Variants in NPAS3 observed in about 807,000 individuals in gnomAD.
NPAS3 encodes neuronal PAS domain-containing protein 3.
NPAS3 carries 14 observed loss-of-function variants against 73.1 expected under a neutral mutation model. The ratio of observed to expected loss-of-function variants is 0.19; its 90% CI spans 0.13 to 0.30. NPAS3 has a LOEUF of 0.30. NPAS3 is among the 10% of genes least tolerant of loss of function. The pLI is 1.00. For missense variants in NPAS3, 1,096 were observed against 1,250.0 expected (o/e 0.88, Z 1.86); for synonymous variants, 620 against 541.5 (o/e 1.14, Z -2.01).
At chr14:33,802,376 T>TAAAAAAAAAAAAAAAAAAAAAAAAAAA (rs71293230), downstream of NPAS3, 6 of 95,712 alleles carry the variant, frequency 6.3e-5, no homozygotes, top group South Asian at 4.2e-4. Context: ...GCACATTAAG[T>TAAAAAAAAAAAAAAAAAAAAAAAAAAA]AAAAAAAAAA....
At chr14:32,953,083 C>G (rs1008038092) in intron 1 of NPAS3, among the ~76,000 whole-genome samples, 1 of 131,196 alleles carries the variant, frequency 7.6e-6, no homozygotes, top group Non-Finnish European at 1.6e-5. Flanking sequence ...AACAAATCAT[C>G]AAACAAAAAG....
chr14:33,788,171 AC>A lies in NPAS3; in HGVS notation c.1154-5720del, dbSNP rs528918800. On this transcript the variant is annotated intron_variant, in intron 9 of 11. Transcript: ENST00000356141. ...TAAGTAGAAAGTGTGATTCTAGCAC[AC>A]CCCCCTCACTTACACACACAGATAC... Among the ~76,000 whole-genome samples, 271 of 152,088 alleles carry A rather than the reference AC, an allele frequency of 1.8e-3. 1 individual carries two copies. Among genetic ancestry groups the A allele is most frequent in the Middle Eastern group, 6.8e-3 (2 of 294 alleles).
At chr14:33,476,957 A>G (rs1448540435) in intron 4 of NPAS3, among the ~76,000 whole-genome samples, 1 of 152,144 alleles carries the variant, frequency 6.6e-6, no homozygotes, top group Admixed American at 6.6e-5. Flanking sequence ...CTAAAATCTT[A>G]AGAGGCAGGG....
At chr14:33,483,826 C>T (rs1247240441) in intron 4 of NPAS3, among the ~76,000 whole-genome samples, 1 of 152,216 alleles carries the variant, frequency 6.6e-6, no homozygotes, top group Non-Finnish European at 1.5e-5. Flanking sequence ...CAGCCTACGG[C>T]TGACCTTTTT....
intron 4 of NPAS3, among the ~76,000 whole-genome samples, chr14:33,493,324 CT>C (rs202231064): frequency 0.018 from 2,530 of 141,414 alleles, 19 homozygotes; most frequent in African/African-American, 0.024. Flanking sequence ...CTCTCTTAGT[CT>C]TTTTTTTTTT....
At chr14:33,155,763 T>G (rs1376754707) in intron 2 of NPAS3, among the ~76,000 whole-genome samples, 1 of 152,176 alleles carries the variant, frequency 6.6e-6, no homozygotes, top group African/African-American at 2.4e-5. Context: ...GTATCTTCCC[T>G]CTGTCTTCAT....
intron 4 of NPAS3, among the ~76,000 whole-genome samples, chr14:33,539,091 G>C (rs144270709): frequency 6.6e-6 from 1 of 152,078 alleles, no homozygotes; most frequent in Non-Finnish European, 1.5e-5. Context: ...TGACTCTCAG[G>C]GGGAGAGGTG....
At chr14:33,425,434 C>A (rs754724520) in intron 4 of NPAS3, among the ~76,000 whole-genome samples, 1 of 151,832 alleles carries the variant, frequency 6.6e-6, no homozygotes, top group Non-Finnish European at 1.5e-5. Context: ...TTATTAAATA[C>A]CTTTATTATT....
At chr14:33,588,398 A>G (rs566650366) in intron 5 of NPAS3, among the ~76,000 whole-genome samples, 2 of 152,286 alleles carry the variant, frequency 1.3e-5, no homozygotes, top group Admixed American at 6.5e-5. Context: ...AATTTGCAGA[A>G]ACTCAACTAT....
intron 5 of NPAS3, among the ~76,000 whole-genome samples, chr14:33,633,476 G>A (rs2058434367): frequency 6.6e-6 from 1 of 152,134 alleles, no homozygotes. Flanking sequence ...ATCATAGAGT[G>A]TAGTTACACA....
chr14:32,974,719 A>G (rs887593820), intron 1 of NPAS3, among the ~76,000 whole-genome samples: 9 of 152,150 alleles, frequency 5.9e-5, no homozygotes, highest in African/African-American at 2.2e-4. Flanking sequence ...GGGTACCTGG[A>G]GGTCCAGCCA....
At chr14:32,969,347 G>T (rs867083015) in intron 1 of NPAS3, among the ~76,000 whole-genome samples, 2 of 152,166 alleles carry the variant, frequency 1.3e-5, no homozygotes, top group African/African-American at 4.8e-5. Flanking sequence ...GGGGAGTGGG[G>T]AGTACATGAG....
intron 4 of NPAS3, among the ~76,000 whole-genome samples, chr14:33,440,629 A>T (rs1247570136): frequency 6.6e-6 from 1 of 152,190 alleles, no homozygotes; most frequent in Non-Finnish European, 1.5e-5. Flanking sequence ...GTGGTGGCTC[A>T]CGCCTGTAAT....
At chr14:33,402,582 C>T (rs1437742265) in intron 4 of NPAS3, among the ~76,000 whole-genome samples, 2 of 152,140 alleles carry the variant, frequency 1.3e-5, no homozygotes, top group African/African-American at 2.4e-5. Flanking sequence ...GTGGTGCCTC[C>T]ACCAGACTTT....
intron 4 of NPAS3, among the ~76,000 whole-genome samples, chr14:33,372,487 C>A (rs2046134339): frequency 6.6e-6 from 1 of 152,098 alleles, no homozygotes; most frequent in South Asian, 2.1e-4. Context: ...TATTACAAAG[C>A]CAATTTTCAA....
At chr14:33,061,562 T>C (rs536217914) in intron 2 of NPAS3, among the ~76,000 whole-genome samples, 16 of 152,316 alleles carry the variant, frequency 1.1e-4, no homozygotes, top group Non-Finnish European at 1.5e-4. Context: ...CTTTTGCCTA[T>C]AAATGACTTG....
At chr14:33,074,479 T>C (rs971639630) in intron 2 of NPAS3, among the ~76,000 whole-genome samples, 5 of 152,130 alleles carry the variant, frequency 3.3e-5, no homozygotes, top group Non-Finnish European at 5.9e-5. Context: ...GGCAGTGGCA[T>C]GATCTCGGCT....
intron 3 of NPAS3, among the ~76,000 whole-genome samples, chr14:33,230,318 T>G (rs1044156972): frequency 6.6e-6 from 1 of 152,170 alleles, no homozygotes; most frequent in Non-Finnish European, 1.5e-5. Flanking sequence ...CAAAACCTGG[T>G]CTGTTTTCAG....
At chr14:33,142,026 AT>A (rs1356236658) in intron 2 of NPAS3, among the ~76,000 whole-genome samples, 2 of 151,932 alleles carry the variant, frequency 1.3e-5, no homozygotes, top group Admixed American at 1.3e-4. Context: ...TTTATCACTT[AT>A]TTCTTTTGCC....
Sources: gnomAD v4.1 joint callset for allele counts (sites outside exome capture counted in the v4.1 genomes callset) on GRCh38, gnomAD v4.1.1 for gene constraint, MANE v1.5 for transcripts, NCBI Gene and HGNC (gene_info 2026-07-23, HGNC 2026-07-21) for gene names.